The following FTO variants were observed in gnomAD, a reference collection of about 807,000 sequenced individuals.
The protein encoded by FTO is FTO alpha-ketoglutarate dependent dioxygenase, also known as alpha-ketoglutarate-dependent dioxygenase FTO.
In FTO, 47 loss-of-function variants were observed where a neutral mutation model predicts 63.9. The observed-to-expected ratio is 0.74, with a 90% CI of 0.58 to 0.94. The LOEUF (loss-of-function observed/expected upper bound fraction) is 0.94. Ranked by LOEUF, FTO falls within the 40% of genes least tolerant of loss-of-function variation. The pLI, the probability that FTO is intolerant of heterozygous loss-of-function variation, is 0.00. For missense variants in FTO, 562 were observed against 618.1 expected, an observed-to-expected ratio of 0.91 and a Z score of 0.96; for synonymous variants, 207 against 224.4, an observed-to-expected ratio of 0.92 and a Z score of 0.69.
At chr16:53,829,562 G>C (rs780315325) in intron 3 of FTO, among the ~76,000 whole-genome samples, 3 of 152,362 alleles carry the variant, frequency 2.0e-5, no homozygotes, top group Non-Finnish European at 4.4e-5. Flanking sequence ...TGGCAAAGGT[G>C]GACTTGAAGA....
intron 8 of FTO, among the ~76,000 whole-genome samples, chr16:54,007,281 A>G (rs748312447): frequency 6.6e-6 from 1 of 152,190 alleles, no homozygotes; most frequent in Non-Finnish European, 1.5e-5. Context: ...CATTGTGTAC[A>G]TGTACCCTAA....
chr16:54,067,052 A>C (rs2085748633), intron 8 of FTO, among the ~76,000 whole-genome samples: 1 of 152,208 alleles, frequency 6.6e-6, no homozygotes, highest in African/African-American at 2.4e-5. Context: ...AAGTTCCTTT[A>C]GTACATTTAA....
chr16:53,737,389 T>C (rs1269797001), intron 1 of FTO, among the ~76,000 whole-genome samples: 1 of 152,188 alleles, frequency 6.6e-6, no homozygotes, highest in Admixed American at 6.5e-5. Context: ...AGATATGGTA[T>C]AGCCTATTCT....
intron 8 of FTO, among the ~76,000 whole-genome samples, chr16:54,030,596 G>C (rs969568104): frequency 6.6e-6 from 1 of 151,930 alleles, no homozygotes; most frequent in African/African-American, 2.4e-5. Flanking sequence ...ATGCAATGTA[G>C]ACTACATCAG....
chr16:53,888,998 T>C (rs1050941872), intron 7 of FTO, 47 bp downstream of exon 7: 5 of 1,604,066 alleles, frequency 3.1e-6, no homozygotes, highest in African/African-American at 2.7e-5. Context: ...TGCTGTGTTA[T>C]ACAAATCCTC....
intron 8 of FTO, among the ~76,000 whole-genome samples, chr16:53,949,544 C>T (rs2082722537): frequency 6.6e-6 from 1 of 152,210 alleles, no homozygotes; most frequent in Admixed American, 6.5e-5. Context: ...ACAGCCCCAA[C>T]TGTACCAAAG....
intron 1 of FTO, among the ~76,000 whole-genome samples, chr16:53,757,664 T>C (rs2076955679): frequency 6.6e-6 from 1 of 152,208 alleles, no homozygotes; most frequent in Non-Finnish European, 1.5e-5. Context: ...TTCAGAACTA[T>C]GTCCATCTTT....
chr16:53,957,193 C>A (rs1430518293), intron 8 of FTO, among the ~76,000 whole-genome samples: 1 of 152,132 alleles, frequency 6.6e-6, no homozygotes, highest in African/African-American at 2.4e-5. Flanking sequence ...TAAACAGATG[C>A]AAGCATTGTT....
intron 8 of FTO, chr16:54,040,725 G>A (rs1190274221): frequency 6.6e-6 from 1 of 152,194 alleles, no homozygotes; most frequent in African/African-American, 2.4e-5. Context: ...TGGGCTTAAT[G>A]TCGTGGAGAA....
In FTO at chr16:54,075,933, A is replaced by C. The variant is rs114514947; in HGVS notation, c.1365-35829A>C. Among the ~76,000 whole-genome samples the C allele has an allele frequency of 7.7e-3, 1,169 of 152,328 alleles. 22 individuals carry two copies. Among genetic ancestry groups the C allele is most frequent in the African/African-American group, 0.027 (1,131 of 41,578 alleles). On this transcript the variant is annotated intron_variant, in intron 8 of 8. Transcript: ENST00000471389. ...GGATCACAATTAAATGCATATTAAAATGCTTGTCCCAAATCCCATGAATCT... is the reference window on the plus strand; with the variant it reads ...GGATCACAATTAAATGCATATTAAACTGCTTGTCCCAAATCCCATGAATCT...
At chr16:53,939,032 A>C (rs771596221) in intron 8 of FTO, among the ~76,000 whole-genome samples, 6 of 152,180 alleles carry the variant, frequency 3.9e-5, no homozygotes, top group Admixed American at 2.6e-4. Flanking sequence ...CGGGAGGCGG[A>C]GCTTGCAGTG....
At chr16:53,743,799 C>A (rs967108564) in intron 1 of FTO, among the ~76,000 whole-genome samples, 1 of 151,450 alleles carries the variant, frequency 6.6e-6, no homozygotes, top group African/African-American at 2.4e-5. Context: ...ATTTTTTTCC[C>A]CCTGATTTTA....
chr16:53,707,835 A>G (rs989480272), intron 1 of FTO, among the ~76,000 whole-genome samples: 1 of 152,238 alleles, frequency 6.6e-6, no homozygotes, highest in African/African-American at 2.4e-5. Flanking sequence ...ATTTTAGAAC[A>G]GTTCCATTCC....
At position 53,787,865 on chromosome 16, in the gene FTO, A is replaced by T. The variant is rs1214584328; in HGVS notation, c.46-22275A>T. ...ACGAGTCAAAGACACTGAACTATTC[A>T]TTGCTATTGGTTTATGGAAGAGCAA... is the stretch of plus-strand genomic sequence containing the variant. On this transcript the variant is annotated intron_variant, in intron 1 of 8. Coordinates refer to ENST00000471389, the MANE Select transcript of FTO (RefSeq NM_001080432.3). Among the ~76,000 whole-genome samples, 5 of 152,148 alleles carry T rather than the reference A, an allele frequency of 3.3e-5. No individual in the cohort carries two copies. In the East Asian group the frequency reaches 9.7e-4, roughly 29 times the overall value.
intron 1 of FTO, among the ~76,000 whole-genome samples, chr16:53,778,725 C>T (rs1006723797): frequency 1.3e-5 from 2 of 152,034 alleles, no homozygotes; most frequent in Non-Finnish European, 2.9e-5. Flanking sequence ...TCTCTCCTGT[C>T]CTGAGATTGC....
chr16:53,945,803 A>G (rs899486953), intron 8 of FTO, among the ~76,000 whole-genome samples: 1 of 152,154 alleles, frequency 6.6e-6, no homozygotes, highest in African/African-American at 2.4e-5. Flanking sequence ...ATCTCTGTAA[A>G]TCCTCTAAGT....
chr16:53,842,133 A>G (rs1453248834), intron 3 of FTO, among the ~76,000 whole-genome samples: 1 of 152,252 alleles, frequency 6.6e-6, no homozygotes, highest in African/African-American at 2.4e-5. Context: ...CATGGTGTTC[A>G]TTGAATGCCT....
chr16:53,980,954 T>G (rs2083528628), intron 8 of FTO, among the ~76,000 whole-genome samples: 1 of 151,922 alleles, frequency 6.6e-6, no homozygotes, highest in Non-Finnish European at 1.5e-5. Context: ...ATAAACAGAG[T>G]GTAGCCAGTT....
intron 8 of FTO, among the ~76,000 whole-genome samples, chr16:53,957,180 G>C (rs1388594276): frequency 6.6e-6 from 1 of 152,136 alleles, no homozygotes; most frequent in Admixed American, 6.5e-5. Context: ...TCTGACAGAC[G>C]TGTAAACAGA....
Sources: gnomAD v4.1 joint callset for allele counts (sites outside exome capture counted in the v4.1 genomes callset) on GRCh38, gnomAD v4.1.1 for gene constraint, MANE v1.5 for transcripts, NCBI Gene and HGNC (gene_info 2026-07-23, HGNC 2026-07-21) for gene names.